Variants in NWD1 observed in about 807,000 individuals in gnomAD.
The protein encoded by NWD1 is NACHT domain- and WD repeat-containing protein 1.
A neutral mutation model predicts 135.1 loss-of-function variants in NWD1; 129 were observed. The ratio of observed to expected loss-of-function variants is 0.96; its 90% CI spans 0.83 to 1.11. The LOEUF is 1.11. NWD1 is among the 50% of genes least tolerant of loss of function. The probability of loss-of-function intolerance (pLI) is 0.00; values close to 1 mark genes in which losing one functional copy is unlikely to be tolerated. For missense variants in NWD1, 1,740 were observed against 1,851.3 expected (o/e 0.94, Z 1.10); for synonymous variants, 773 against 786.0 (o/e 0.98, Z 0.28).
In NWD1 at chr19:16,774,284, C is replaced by T. The variant is rs190046351; in HGVS notation, c.2608+961C>T. Reference sequence around the variant, plus strand: ...TCCATTCATCCAATCATCTACCCACCCTTCCATTTATCCATCAATTCATCT... The same window carrying T: ...TCCATTCATCCAATCATCTACCCACTCTTCCATTTATCCATCAATTCATCT... On this transcript the variant is annotated intron_variant, in intron 11 of 18. Transcript: ENST00000524140. 7.3e-5 allele frequency among the ~76,000 whole-genome samples: 11 copies of T among 151,268 alleles called. No homozygotes were observed. The East Asian group carries it at 2.0e-3, about 27-fold the overall frequency.
chr19:16,800,109 A>G lies in NWD1; in HGVS notation c.3683A>G (p.Tyr1228Cys), dbSNP rs773967592. 1.2e-6 allele frequency: 2 copies of G among 1,613,984 alleles called. No individual in the cohort carries two copies. Among genetic ancestry groups the G allele is most frequent in the Non-Finnish European group, 1.7e-6 (2 of 1,179,912 alleles). Reference protein sequence around the residue: ...TAVSHNGSYVYFPKIGDKNKV... With the variant: ...TAVSHNGSYVCFPKIGDKNKV... The stretch of plus-strand genomic sequence containing the variant: ...GTGTCCCACAATGGAAGCTACGTCT[A>G]CTTCCCCAAAATTGGGGACAAAAAC... The change falls in exon 17 of 19, where the codon TAC becomes TGC. Residue 1228 changes from tyrosine to cysteine, a missense_variant. Coordinates refer to ENST00000524140, the MANE Select transcript of NWD1 (RefSeq NM_001007525.5).
chr19:16,810,445 A>T (rs1970891338), intron 18 of NWD1, among the ~76,000 whole-genome samples: 1 of 150,774 alleles, frequency 6.6e-6, no homozygotes, highest in South Asian at 2.1e-4. Flanking sequence ...CTCAAAAAAA[A>T]AAAAAAAAAA....
intron 16 of NWD1, among the ~76,000 whole-genome samples, chr19:16,798,816 G>T (rs1041328349): frequency 6.6e-6 from 1 of 151,954 alleles, no homozygotes; most frequent in African/African-American, 2.4e-5. Flanking sequence ...TAGTAGAGAC[G>T]GGGTTCCGCC....
chr19:16,733,243 G>A (rs923853096), intron 3 of NWD1, among the ~76,000 whole-genome samples: 3 of 151,672 alleles, frequency 2.0e-5, no homozygotes, highest in Admixed American at 2.0e-4. Flanking sequence ...AATCTGGGCC[G>A]GGCGAAGTGG....
intron 5 of NWD1, among the ~76,000 whole-genome samples, chr19:16,746,030 C>T (rs554373026): frequency 2.4e-4 from 36 of 152,060 alleles, no homozygotes; most frequent in Non-Finnish European, 4.7e-4. Context: ...TTTGACTCCC[C>T]CAAAACGTAA....
chr19:16,720,413 G>A (rs1967093415), intron 1 of NWD1, 120 bp downstream of exon 1: 1 of 152,252 alleles, frequency 6.6e-6, no homozygotes, highest in South Asian at 2.1e-4. Context: ...AAGCTAAAAT[G>A]TGAACAACAT....
At chr19:16,795,478 A>G (rs1477316292) in intron 15 of NWD1, among the ~76,000 whole-genome samples, 2 of 139,868 alleles carry the variant, frequency 1.4e-5, no homozygotes, top group African/African-American at 2.7e-5. Context: ...GTGCAGTGGT[A>G]TGATCTCAGC....
intron 10 of NWD1, among the ~76,000 whole-genome samples, chr19:16,770,212 A>C (rs1045403350): frequency 4.6e-5 from 7 of 152,080 alleles, no homozygotes; most frequent in Admixed American, 2.6e-4. Context: ...TGAGGGAGGG[A>C]CCAGGTGGAG....
At chr19:16,752,817 T>C (rs1275326659) in intron 6 of NWD1, among the ~76,000 whole-genome samples, 2 of 151,920 alleles carry the variant, frequency 1.3e-5, no homozygotes, top group South Asian at 2.1e-4. Context: ...GGCAACAAAG[T>C]GAGAGCCCCT....
intron 10 of NWD1, among the ~76,000 whole-genome samples, chr19:16,771,492 C>A (rs1478534430): frequency 6.6e-6 from 1 of 152,086 alleles, no homozygotes; most frequent in Non-Finnish European, 1.5e-5. Flanking sequence ...GAACAGCATA[C>A]CAAACAACTG....
intron 6 of NWD1, among the ~76,000 whole-genome samples, chr19:16,751,757 T>A (rs1968588351): frequency 7.0e-6 from 1 of 143,766 alleles, no homozygotes; most frequent in Admixed American, 7.3e-5. Flanking sequence ...GCTGAGATAG[T>A]GCCACTGTGC....
intron 2 of NWD1, among the ~76,000 whole-genome samples, chr19:16,725,577 G>A (rs149453346): frequency 0.019 from 2,931 of 151,764 alleles, 107 homozygotes; most frequent in African/African-American, 0.068. Context: ...TTTTGAGATG[G>A]AGTCTCCCTC....
In NWD1 at chr19:16,749,560, G is replaced by A. The variant is rs542633232; in HGVS notation, c.918G>A (p.Ser306=). The A allele has an allele frequency of 1.7e-5, 27 of 1,613,458 alleles. No homozygotes were observed. The highest frequency in any genetic ancestry group is 4.5e-5 in the East Asian group (2 of 44,858). The part of the protein sequence containing the change: ...QEIRHHLWQS[S]EVIQTFCGRQ... ...TCCGCCACCACCTTTGGCAGAGCTC[G>A]GAGGTCATTCAGACCTTCTGCGGAC... Residue 306 remains serine, a synonymous_variant, in exon 6 of 19, where the codon TCG becomes TCA. Transcript: ENST00000524140.
chr19:16,804,401 C>A (rs962666866), intron 17 of NWD1, among the ~76,000 whole-genome samples: 1 of 151,928 alleles, frequency 6.6e-6, no homozygotes, highest in African/African-American at 2.4e-5. Context: ...TTGAGACCAG[C>A]CTGGGCAACA....
rs1971028822 is a variant in NWD1, at chr19:16,815,084, A to G, written c.*45A>G. The G allele has an allele frequency of 1.9e-6, 3 of 1,601,848 alleles. 1 individual carries two copies. Among genetic ancestry groups the G allele is most frequent in the Non-Finnish European group, 2.6e-6 (3 of 1,169,062 alleles). On this transcript the variant is annotated 3_prime_UTR_variant, in exon 19 of 19. Coordinates refer to ENST00000524140, the MANE Select transcript of NWD1 (RefSeq NM_001007525.5). ...TGTGGTAAACAGAATCATCCCAACC[A>G]CCAGTGGCTTCATTGCCCCCACCAG...
At chr19:16,786,393 G>T (rs1970042419) in intron 12 of NWD1, among the ~76,000 whole-genome samples, 1 of 151,982 alleles carries the variant, frequency 6.6e-6, no homozygotes, top group Admixed American at 6.6e-5. Context: ...CTGCTACATG[G>T]GTATATTGAG....
In NWD1 at chr19:16,765,038, C is replaced by A. The variant is rs1969170135; in HGVS notation, c.2256C>A (p.Ser752Arg). 1 of 1,614,114 alleles carries A rather than the reference C, an allele frequency of 6.2e-7. No individual in the cohort carries two copies. The highest frequency in any genetic ancestry group is 2.2e-5 in the East Asian group (1 of 44,880). ...LEELKQEVLG[S>R]MSWISCRGIS... ...CTCCCCCCTTCTCTCCCTCAGGCAGCATGAGCTGGATTTCCTGCCGGGGCA... is the reference window on the plus strand; with the variant it reads ...CTCCCCCCTTCTCTCCCTCAGGCAGAATGAGCTGGATTTCCTGCCGGGGCA... Residue 752 changes from serine (S) to arginine (R), a missense_variant, in exon 10 of 19, where the codon AGC becomes AGA. Ser to Arg is a moderately radical substitution (Grantham distance 110). Coordinates refer to ENST00000524140, the MANE Select transcript of NWD1 (RefSeq NM_001007525.5).
intron 10 of NWD1, among the ~76,000 whole-genome samples, chr19:16,766,884 C>T (rs145840364): frequency 1.3e-5 from 2 of 151,940 alleles, no homozygotes; most frequent in Admixed American, 6.6e-5. Context: ...CTGTGCCTGA[C>T]CCCCATCTTA....
In NWD1 at chr19:16,785,771, CAA is replaced by C. The variant is rs927684902; in HGVS notation, c.2732-3209_2732-3208del. ...AAGTATATATACATATATACAAAAA[CAA>C]ATATATACATAAATATATAAATATA... is the stretch of plus-strand genomic sequence containing the variant. On this transcript the variant is annotated intron_variant, in intron 12 of 18. Coordinates refer to ENST00000524140, the MANE Select transcript of NWD1 (RefSeq NM_001007525.5). 1.1e-3 allele frequency among the ~76,000 whole-genome samples: 142 copies of C among 134,312 alleles called. 1 individual carries two copies. Among genetic ancestry groups the C allele is most frequent in the African/African-American group, 3.9e-3 (131 of 33,470 alleles). 88.1% of individuals were successfully genotyped at this position (134,312 alleles called of 152,430 possible). A position where few individuals can be genotyped will look rare whatever the true frequency, so the allele number is the denominator to read the frequency against.
Sources: allele counts gnomAD v4.1 joint callset (sites outside exome capture counted in the v4.1 genomes callset), GRCh38; gene constraint gnomAD v4.1.1; transcripts MANE v1.5; gene names NCBI Gene and HGNC (gene_info 2026-07-23, HGNC 2026-07-21).